ZNF804B: variants seen among roughly 807,000 people sequenced by gnomAD.
ZNF804B encodes the protein zinc finger 804B.
A neutral mutation model predicts 101.4 loss-of-function variants in ZNF804B; 80 were observed. That is an observed-to-expected ratio of 0.79 (90% confidence interval 0.66 to 0.95). The LOEUF is 0.95. Ranked by LOEUF, ZNF804B falls within the 40% of genes least tolerant of loss-of-function variation. The pLI is 0.00. For missense variants in ZNF804B, 1,673 were observed against 1,561.9 expected, an observed-to-expected ratio of 1.07 and a Z score of -1.20; for synonymous variants, 622 against 558.8, an observed-to-expected ratio of 1.11 and a Z score of -1.59.
At chr7:89,187,809 A>G (rs1006863584) in intron 1 of ZNF804B, among the ~76,000 whole-genome samples, 2 of 152,184 alleles carry the variant, frequency 1.3e-5, no homozygotes, top group Non-Finnish European at 2.9e-5. Context: ...ATCTTGTTCC[A>G]AAGTAACAAA....
rs58628734 is a variant in ZNF804B at position 89,069,963 on chromosome 7, TG to T, written c.109-148190del. Among the ~76,000 whole-genome samples, 192 of 152,294 alleles carry T rather than the reference TG, an allele frequency of 1.3e-3. 1 individual carries two copies. The highest frequency in any genetic ancestry group is 4.5e-3 in the African/African-American group (186 of 41,560). On this transcript the variant is annotated intron_variant, in intron 1 of 3. Transcript: ENST00000333190. The stretch of plus-strand genomic sequence containing the variant: ...TGCTACAAACTTAGTGCTTGATAAA[TG>T]GTACCTTATTATTAAGTGTATTTCC...
At chr7:88,970,268 C>T (rs1018492704) in intron 1 of ZNF804B, among the ~76,000 whole-genome samples, 5 of 151,412 alleles carry the variant, frequency 3.3e-5, no homozygotes, top group African/African-American at 1.2e-4. Context: ...TAAACATGTG[C>T]CATGGTGGTT....
rs562461187 is a variant in ZNF804B at position 89,298,324 on chromosome 7, T to C, written c.250-29020T>C. Among the ~76,000 whole-genome samples, 295 of 141,716 alleles carry C rather than the reference T, an allele frequency of 2.1e-3. 1 individual carries two copies. The highest frequency in any genetic ancestry group is 7.5e-3 in the African/African-American group (286 of 38,302). 93.0% of individuals were successfully genotyped at this position (141,716 alleles called of 152,430 possible). A position where few individuals can be genotyped will look rare whatever the true frequency, so the allele number is the denominator to read the frequency against. On this transcript the variant is annotated intron_variant, in intron 2 of 3. Transcript: ENST00000333190. Reference sequence around the variant, plus strand: ...TTACATAGGTATACACGTGCCATGGTGGTTTGCTGCACCCATCAACCCATC... The same window carrying C: ...TTACATAGGTATACACGTGCCATGGCGGTTTGCTGCACCCATCAACCCATC...
chr7:88,926,943 C>CGGGTGGG (rs1554346832), intron 1 of ZNF804B, among the ~76,000 whole-genome samples: 1 of 144,352 alleles, frequency 6.9e-6, no homozygotes, highest in African/African-American at 2.7e-5. Context: ...TGGTGGGGAG[C>CGGGTGGG]GGGGGGAAAG....
At chr7:89,233,761 C>A (rs1343188261) in intron 2 of ZNF804B, among the ~76,000 whole-genome samples, 1 of 152,062 alleles carries the variant, frequency 6.6e-6, no homozygotes, top group Non-Finnish European at 1.5e-5. Context: ...GCCTCAGCCT[C>A]CTGAGTAGCT....
At chr7:89,074,249 AG>A (rs1174535309) in intron 1 of ZNF804B, among the ~76,000 whole-genome samples, 26 of 152,338 alleles carry the variant, frequency 1.7e-4, no homozygotes, top group African/African-American at 6.3e-4. Context: ...CTCTCTTTCT[AG>A]GAGAAAATAA....
intron 2 of ZNF804B, among the ~76,000 whole-genome samples, chr7:89,262,606 A>G (rs1789727359): frequency 6.6e-6 from 1 of 151,972 alleles, no homozygotes. Context: ...CTTTTTTTCC[A>G]TTCCTCTTTC....
chr7:89,199,468 G>C (rs1421102491), intron 1 of ZNF804B, among the ~76,000 whole-genome samples: 2 of 151,752 alleles, frequency 1.3e-5, no homozygotes, highest in African/African-American at 4.8e-5. Flanking sequence ...CAAATTAACA[G>C]CATAATAGAA....
rs144361399 is a variant in ZNF804B at position 89,271,758 on chromosome 7, G to T, written c.249+53463G>T. ...GCCTCAATTTCAGAGCCTGTTACTG[G>T]TCTATTCAGGGATTCAACTTCTTCC... On this transcript the variant is annotated intron_variant, in intron 2 of 3. Transcript: ENST00000333190. Among the ~76,000 whole-genome samples, 672 of 152,176 alleles carry T rather than the reference G, an allele frequency of 4.4e-3. 19 individuals carry two copies. Among genetic ancestry groups the T allele is most frequent in the Admixed American group, 0.038 (582 of 15,256 alleles).
chr7:88,916,789 T>C (rs760729916), intron 1 of ZNF804B, among the ~76,000 whole-genome samples: 2 of 152,152 alleles, frequency 1.3e-5, no homozygotes, highest in African/African-American at 2.4e-5. Context: ...GTAATATAAA[T>C]CCCCAATATC....
chr7:89,245,192 T>C (rs567949619), intron 2 of ZNF804B, among the ~76,000 whole-genome samples: 2 of 152,000 alleles, frequency 1.3e-5, no homozygotes, highest in African/African-American at 4.8e-5. Flanking sequence ...TTTTAATAAA[T>C]GAGAAGCTTG....
chr7:89,306,081 C>T (rs1305636961), intron 2 of ZNF804B, among the ~76,000 whole-genome samples: 2 of 151,822 alleles, frequency 1.3e-5, no homozygotes. Context: ...ATAAAGAGCA[C>T]CATTAAGTAT....
At chr7:88,784,088 G>C (rs761417558) in intron 1 of ZNF804B, among the ~76,000 whole-genome samples, 1 of 152,086 alleles carries the variant, frequency 6.6e-6, no homozygotes, top group African/African-American at 2.4e-5. Context: ...TTTGTGACTT[G>C]CTAGCATGCC....
At chr7:89,060,546 G>A (rs548246390) in intron 1 of ZNF804B, among the ~76,000 whole-genome samples, 5 of 152,160 alleles carry the variant, frequency 3.3e-5, no homozygotes, top group East Asian at 1.9e-4. Context: ...TCTATATGCC[G>A]TGGTTTAAAG....
chr7:89,071,634 G>C (rs747710232), intron 1 of ZNF804B, among the ~76,000 whole-genome samples: 9 of 152,010 alleles, frequency 5.9e-5, no homozygotes, highest in Admixed American at 1.3e-4. Context: ...CAATGTTCTT[G>C]TTCTCAAATT....
At chr7:89,185,556 G>A (rs189540492) in intron 1 of ZNF804B, among the ~76,000 whole-genome samples, 47 of 152,180 alleles carry the variant, frequency 3.1e-4, no homozygotes, top group African/African-American at 1.1e-3. Flanking sequence ...CTACTAAAAC[G>A]ACGTATTGAA....
At chr7:89,150,895 G>A (rs181595119) in intron 1 of ZNF804B, among the ~76,000 whole-genome samples, 183 of 152,136 alleles carry the variant, frequency 1.2e-3, no homozygotes, top group Non-Finnish European at 2.1e-3. Flanking sequence ...ATCATTTGAC[G>A]AGTTTCTACT....
chr7:88,786,514 G>A (rs1173863327), intron 1 of ZNF804B, among the ~76,000 whole-genome samples: 3 of 151,940 alleles, frequency 2.0e-5, no homozygotes, highest in Admixed American at 6.6e-5. Flanking sequence ...TAATCTTTGG[G>A]CTAATTCCTC....
At chr7:88,853,355 G>A (rs1791473512) in intron 1 of ZNF804B, among the ~76,000 whole-genome samples, 1 of 152,020 alleles carries the variant, frequency 6.6e-6, no homozygotes, top group African/African-American at 2.4e-5. Context: ...ATATGTAAAG[G>A]ATTTATTTAG....
Sources: allele counts gnomAD v4.1 joint callset (sites outside exome capture counted in the v4.1 genomes callset), GRCh38; gene constraint gnomAD v4.1.1; transcripts MANE v1.5; gene names NCBI Gene and HGNC (gene_info 2026-07-23, HGNC 2026-07-21).